The following NDST4 variants were observed in gnomAD, a reference collection of about 807,000 sequenced individuals.
The protein encoded by NDST4 is N-deacetylase and N-sulfotransferase 4.
A neutral mutation model predicts 100.8 loss-of-function variants in NDST4; 63 were observed. The observed-to-expected ratio is 0.62, with a 90% CI of 0.51 to 0.77. NDST4 has a LOEUF of 0.77. NDST4 is among the 30% of genes least tolerant of loss of function. The pLI, the probability that NDST4 is intolerant of heterozygous loss-of-function variation, is 0.00. For synonymous variants in NDST4, 377 were observed against 361.8 expected (o/e 1.04, Z -0.48); for missense variants, 943 against 1,018.4 (o/e 0.93, Z 1.01).
intron 7 of NDST4, among the ~76,000 whole-genome samples, chr4:114,854,473 T>C (rs1409933483): frequency 6.6e-6 from 1 of 152,160 alleles, no homozygotes; most frequent in Non-Finnish European, 1.5e-5. Flanking sequence ...ACTGATTTCC[T>C]TTCTTTTTTT....
At chr4:114,988,676 ATGTG>A (rs1726969357) in intron 2 of NDST4, among the ~76,000 whole-genome samples, 1 of 152,056 alleles carries the variant, frequency 6.6e-6, no homozygotes, top group African/African-American at 2.4e-5. Flanking sequence ...ACGTCTTTAA[ATGTG>A]TACCCCCAAA....
intron 2 of NDST4, among the ~76,000 whole-genome samples, chr4:115,046,489 G>A (rs1728466014): frequency 6.6e-6 from 1 of 152,078 alleles, no homozygotes; most frequent in African/African-American, 2.4e-5. Context: ...ATTTTCCCAA[G>A]GTGAGAAACT....
At chr4:114,986,106 T>G (rs190754983) in intron 2 of NDST4, among the ~76,000 whole-genome samples, 16 of 152,334 alleles carry the variant, frequency 1.1e-4, no homozygotes, top group Non-Finnish European at 1.9e-4. Flanking sequence ...ACGTTGATAC[T>G]GATTAAACAT....
intron 11 of NDST4, among the ~76,000 whole-genome samples, chr4:114,836,956 T>C (rs772010591): frequency 6.6e-6 from 1 of 152,198 alleles, no homozygotes; most frequent in Non-Finnish European, 1.5e-5. Context: ...TGCTGTGTTT[T>C]TCAGCTCCAT....
intron 2 of NDST4, among the ~76,000 whole-genome samples, chr4:115,000,484 G>A (rs1327076148): frequency 6.6e-6 from 1 of 152,020 alleles, no homozygotes; most frequent in African/African-American, 2.4e-5. Flanking sequence ...AATGTATGCA[G>A]TGAGGACTAT....
At chr4:114,857,559 C>T (rs937904870) in intron 7 of NDST4, among the ~76,000 whole-genome samples, 1 of 152,124 alleles carries the variant, frequency 6.6e-6, no homozygotes, top group Non-Finnish European at 1.5e-5. Context: ...GAAACCCAGG[C>T]TTGGTTTGCA....
At chr4:114,997,928 A>T (rs754570160) in intron 2 of NDST4, among the ~76,000 whole-genome samples, 116 of 152,156 alleles carry the variant, frequency 7.6e-4, no homozygotes, top group Non-Finnish European at 1.4e-3. Context: ...GGATTAAAGG[A>T]TTTGTTGGAA....
At chr4:115,008,063 T>C (rs1727460422) in intron 2 of NDST4, among the ~76,000 whole-genome samples, 1 of 130,244 alleles carries the variant, frequency 7.7e-6, no homozygotes, top group African/African-American at 2.9e-5. Context: ...TGAGTTTCTC[T>C]GAGGTTTCTA....
In NDST4 at chr4:115,078,861, A is replaced by G. The variant is rs150051057; in HGVS notation, c.-246-1579T>C. On this transcript the variant is annotated intron_variant, in intron 1 of 13. Transcript: ENST00000264363. ...TTCCGCCCCCACCAACCCCCGCCCA[A>G]AAAAAGTGACCTGGATGCTTCTAAC... 3.7e-3 allele frequency among the ~76,000 whole-genome samples: 545 copies of G among 148,716 alleles called. 6 individuals are homozygous for G. The highest frequency in any genetic ancestry group is 0.013 in the African/African-American group (524 of 39,850).
chr4:114,977,413 T>G, intron 2 of NDST4, 139 bp from the exon 3 acceptor site: 1 of 480,294 alleles, frequency 2.1e-6, no homozygotes, highest in Non-Finnish European at 3.7e-6. Context: ...TTATGTAGTA[T>G]TCGTATTTCA....
At chr4:115,062,823 G>A (rs2126284120) in intron 2 of NDST4, among the ~76,000 whole-genome samples, 1 of 151,968 alleles carries the variant, frequency 6.6e-6, no homozygotes, top group African/African-American at 2.4e-5. Context: ...AAGAAAATTA[G>A]TTTAGTAAAC....
intron 4 of NDST4, among the ~76,000 whole-genome samples, chr4:114,969,121 G>A (rs1726447321): frequency 6.6e-6 from 1 of 151,846 alleles, no homozygotes; most frequent in African/African-American, 2.4e-5. Context: ...AGACCATCCG[G>A]GCTAAAACGG....
chr4:114,970,314 C>T, intron 4 of NDST4, 116 bp downstream of exon 4: 1 of 920,762 alleles, frequency 1.1e-6, no homozygotes, highest in Non-Finnish European at 1.6e-6. Context: ...TGTGATGCAC[C>T]CTGATATTAT....
rs368502384 is a variant in NDST4 at position 115,020,765 on chromosome 4, C to A, written c.979-43491G>T. On this transcript the variant is annotated intron_variant, in intron 2 of 13. Transcript: ENST00000264363. Reference sequence around the variant, plus strand: ...AAAGTGGACTAAGGACATGAATAGACAGTTCCCAAAAGAAGATATACAAAT... The same window carrying A: ...AAAGTGGACTAAGGACATGAATAGAAAGTTCCCAAAAGAAGATATACAAAT... Among the ~76,000 whole-genome samples the A allele has an allele frequency of 2.0e-5, 3 of 152,112 alleles. No individual in the cohort carries two copies. In the South Asian group the frequency reaches 6.2e-4, roughly 32 times the overall value.
At chr4:114,928,974 A>T (rs1224932973) in intron 6 of NDST4, among the ~76,000 whole-genome samples, 3 of 151,506 alleles carry the variant, frequency 2.0e-5, no homozygotes, top group Non-Finnish European at 1.5e-5. Context: ...TCGTAATTGC[A>T]TGAGCCACTT....
chr4:115,102,419 AAAG>A (rs1390683215), intron 1 of NDST4, among the ~76,000 whole-genome samples: 76 of 152,152 alleles, frequency 5.0e-4, no homozygotes, highest in Non-Finnish European at 6.2e-4. Context: ...AGAAATCACA[AAAG>A]AAGTTATTAA....
intron 6 of NDST4, among the ~76,000 whole-genome samples, chr4:114,929,170 A>ATCTATCTATCT (rs1464235515): frequency 6.7e-6 from 1 of 150,000 alleles, no homozygotes; most frequent in Non-Finnish European, 1.5e-5. Flanking sequence ...CTATGTATCT[A>ATCTATCTATCT]AATCCTGCTG....
Position 115,021,803 on chromosome 4 carries a change from C to A in NDST4, c.979-44529G>T, listed in dbSNP as rs559069733. Among the ~76,000 whole-genome samples, 209 of 151,766 alleles carry A rather than the reference C, an allele frequency of 1.4e-3. 2 individuals carry two copies. The highest frequency in any genetic ancestry group is 2.5e-3 in the South Asian group (12 of 4,808). ...CATATATATACCTTCCACATCTATA[C>A]ACATTCCATATATATACCTTCCACA... On this transcript the variant is annotated intron_variant, in intron 2 of 13. Transcript: ENST00000264363.
At chr4:115,064,586 T>C (rs1728893046) in intron 2 of NDST4, among the ~76,000 whole-genome samples, 1 of 152,018 alleles carries the variant, frequency 6.6e-6, no homozygotes, top group African/African-American at 2.4e-5. Flanking sequence ...TAAACACTGT[T>C]CTCTTTTGAG....
Sources: gnomAD v4.1 joint callset for allele counts (sites outside exome capture counted in the v4.1 genomes callset) on GRCh38, gnomAD v4.1.1 for gene constraint, MANE v1.5 for transcripts, NCBI Gene and HGNC (gene_info 2026-07-23, HGNC 2026-07-21) for gene names.